Variants in FAT1 observed in about 807,000 individuals in gnomAD.
FAT1 encodes FAT atypical cadherin 1.
In FAT1, 171 loss-of-function variants were observed where a neutral mutation model predicts 329.8. The observed-to-expected ratio is 0.52, with a 90% CI of 0.46 to 0.59. FAT1 has a LOEUF of 0.59. FAT1 is among the 20% of genes least tolerant of loss of function. FAT1 has a pLI of 0.00. For synonymous variants in FAT1, 2,233 were observed against 2,228.6 expected (o/e 1.00, Z -0.06); for missense variants, 5,672 against 5,774.4 (o/e 0.98, Z 0.57).
rs148115768 is a variant in FAT1, at chr4:186,632,525, G to A, written c.4323+1159C>T. On this transcript the variant is annotated intron_variant, in intron 7 of 26. Coordinates refer to ENST00000441802, the MANE Select transcript of FAT1 (RefSeq NM_005245.4). ...TAGATTTTGCTTGTCTCTAGAATGAGAACAGCTACCAACTAAATTGAAATT... is the reference window on the plus strand; with the variant it reads ...TAGATTTTGCTTGTCTCTAGAATGAAAACAGCTACCAACTAAATTGAAATT... Among the ~76,000 whole-genome samples, 923 of 152,206 alleles carry A rather than the reference G, an allele frequency of 6.1e-3. 9 individuals are homozygous for A. The highest frequency in any genetic ancestry group is 0.02 in the African/African-American group (850 of 41,522).
intron 14 of FAT1, 24 bp from the exon 15 acceptor site, chr4:186,610,039 C>G (rs2126461098): frequency 6.8e-7 from 1 of 1,474,078 alleles, no homozygotes; most frequent in Non-Finnish European, 9.5e-7. Flanking sequence ...AAAATTACTT[C>G]CAGCATTCTG....
At chr4:186,720,561 C>T (rs1745425955) in intron 1 of FAT1, among the ~76,000 whole-genome samples, 3 of 152,188 alleles carry the variant, frequency 2.0e-5, no homozygotes, top group Admixed American at 2.0e-4. Context: ...CTCACATTAT[C>T]CTAAATCCAC....
At chr4:186,645,175 G>A (rs1204704939) in intron 3 of FAT1, among the ~76,000 whole-genome samples, 1 of 151,660 alleles carries the variant, frequency 6.6e-6, no homozygotes, top group Admixed American at 6.6e-5. Context: ...GGCCACCGAG[G>A]ACCAGCTGGC....
Position 186,619,762 on chromosome 4 carries a change from T to C in FAT1, c.6824A>G (p.Asp2275Gly), listed in dbSNP as rs2126508883. 1 of 1,614,016 alleles carries C rather than the reference T, an allele frequency of 6.2e-7. No individual in the cohort carries two copies. The highest frequency in any genetic ancestry group is 1.1e-5 in the South Asian group (1 of 91,082). The part of the protein sequence containing the change: ...AEVFVDIIVD[D>G]INDNPPVFAQ... ...AAACACAGGAGGGTTATCATTGATG[T>C]CGTCTACTATGATGTCCACAAATAC... Residue 2275 changes from aspartate (D) to glycine (G), a missense_variant, in exon 10 of 27, where the codon GAC becomes GGC. Around this residue, in one of 2 missense-constraint regions of FAT1, gnomAD observed 3,966 missense variants for 3,915.2 expected, o/e 1.01. Transcript: ENST00000441802.
intron 2 of FAT1, among the ~76,000 whole-genome samples, chr4:186,681,409 T>G (rs1743199540): frequency 6.6e-6 from 1 of 152,164 alleles, no homozygotes; most frequent in African/African-American, 2.4e-5. Context: ...GTATGACACC[T>G]TAATCCCTAA....
In FAT1 at chr4:186,639,705, A is replaced by T. The variant is rs1439788100; in HGVS notation, c.3642+17T>A. ...AACTACGAATCTTTAAGTATTAAAG[A>T]TAAAAAAAAAACTTACCTCTAATAT... On this transcript the variant is annotated intron_variant, in intron 4 of 26. Coordinates refer to ENST00000441802, the MANE Select transcript of FAT1 (RefSeq NM_005245.4). The T allele has an allele frequency of 2.6e-6, 4 of 1,555,842 alleles. No individual in the cohort carries two copies. The highest frequency in any genetic ancestry group is 3.5e-6 in the Non-Finnish European group (4 of 1,135,952).
rs1300566381 is a variant in FAT1 at position 186,597,174 on chromosome 4, G to C, written c.12369-3C>G. 1 of 1,595,464 alleles carries C rather than the reference G, an allele frequency of 6.3e-7. No individual in the cohort carries two copies. The highest frequency in any genetic ancestry group is 8.5e-7 in the Non-Finnish European group (1 of 1,170,572). ...ACTCGTCGATATCACTCTGACACCT[G>C]CCAAGGAAGTCAGGAATGAGGAGAG... On this transcript the variant is annotated splice_polypyrimidine_tract_variant and splice_region_variant and intron_variant, in intron 24 of 26. Transcript: ENST00000441802.
chr4:186,611,646 G>T lies in FAT1; in HGVS notation c.9593C>A (p.Ser3198Tyr). The change falls in exon 14 of 27, where the codon TCT becomes TAT. Residue 3198 changes from serine to tyrosine, a missense_variant. Coordinates refer to ENST00000441802, the MANE Select transcript of FAT1 (RefSeq NM_005245.4). ...CAAGCCTTGATCCACAGCTTTCAAAGAGAGGGTGTATACTGCCTGGAGTTC... is the reference window on the plus strand; with the variant it reads ...CAAGCCTTGATCCACAGCTTTCAAATAGAGGGTGTATACTGCCTGGAGTTC... ...DRELQAVYTLSLKAVDQGLPR... is the reference protein window; with the variant it reads ...DRELQAVYTLYLKAVDQGLPR... The T allele has an allele frequency of 6.2e-7, 1 of 1,613,294 alleles. No homozygotes were observed.
At position 186,621,780 on chromosome 4, in the gene FAT1, A is replaced by G. The variant is rs2126528503; in HGVS notation, c.4811-5T>C. 6.5e-7 allele frequency: 1 copy of G among 1,529,498 alleles called. No individual in the cohort carries two copies. Among genetic ancestry groups the G allele is most frequent in the African/African-American group, 1.4e-5 (1 of 72,560 alleles). The allele number at this position is 1,529,498 out of a possible 1,614,324, so 94.7% of individuals were successfully genotyped here. A position where few individuals can be genotyped will look rare whatever the true frequency, so the allele number is the denominator to read the frequency against. On this transcript the variant is annotated splice_region_variant and splice_polypyrimidine_tract_variant and intron_variant, in intron 9 of 26. Transcript: ENST00000441802. Reference sequence around the variant, plus strand: ...TAAAAGAATTTCCAATATTTCCTGGAAGGAGAGGAAAAAATACATGTTACA... The same window carrying G: ...TAAAAGAATTTCCAATATTTCCTGGGAGGAGAGGAAAAAATACATGTTACA...
At chr4:186,657,637 G>GT (rs1741967050) in intron 3 of FAT1, among the ~76,000 whole-genome samples, 2 of 152,124 alleles carry the variant, frequency 1.3e-5, no homozygotes, top group African/African-American at 4.8e-5. Context: ...GCAATTTGCT[G>GT]TAAGTGAATT....
chr4:186,619,106 G>C lies in FAT1; in HGVS notation c.7480C>G (p.Gln2494Glu), dbSNP rs1428112134. The change falls in exon 10 of 27, where the codon CAG (glutamine) becomes GAG (glutamate). Residue 2494 changes from glutamine (Q) to glutamate (E), a missense_variant. Around this residue, in one of 2 missense-constraint regions of FAT1, gnomAD observed 3,966 missense variants for 3,915.2 expected, o/e 1.01. Transcript: ENST00000441802. ...GGNLHSPAFL[Q>E]NEYEVELAEN... Reference sequence around the variant, plus strand: ...GCTAGTTCCACTTCATATTCGTTCTGAAGGAAAGCAGGACTGTGCAAATTG... The same window carrying C: ...GCTAGTTCCACTTCATATTCGTTCTCAAGGAAAGCAGGACTGTGCAAATTG... 3.1e-6 allele frequency: 5 copies of C among 1,613,874 alleles called. No homozygotes were observed. The highest frequency in any genetic ancestry group is 4.2e-6 in the Non-Finnish European group (5 of 1,179,904).
chr4:186,704,190 TAC>T (rs1187933080), intron 2 of FAT1, among the ~76,000 whole-genome samples: 2 of 152,192 alleles, frequency 1.3e-5, no homozygotes, highest in Non-Finnish European at 1.5e-5. Flanking sequence ...TCTCAATATT[TAC>T]ACACAGTTTC....
rs1739834910 is a variant in FAT1 at position 186,618,419 on chromosome 4, C to G, written c.8167G>C (p.Asp2723His). The G allele has an allele frequency of 2.5e-6, 4 of 1,613,918 alleles. No homozygotes were observed. The highest frequency in any genetic ancestry group is 3.4e-6 in the Non-Finnish European group (4 of 1,179,900). Reference protein sequence around the residue: ...SEDVPIGTEIDLIRAEHSGTV... With the variant: ...SEDVPIGTEIHLIRAEHSGTV... ...CCACTATGTTCTGCTCGGATGAGAT[C>G]TATCTCTGTTCCAATAGGCACGTCC... The change falls in exon 10 of 27, where the codon GAT (aspartate) becomes CAT (histidine). Residue 2723 changes from aspartate (D) to histidine (H), a missense_variant. Physicochemically the swap from Asp to His is moderately conservative, Grantham distance 81. Coordinates refer to ENST00000441802, the MANE Select transcript of FAT1 (RefSeq NM_005245.4).
At chr4:186,601,639 T>C (rs1313527004) in intron 20 of FAT1, 2 of 417,612 alleles carry the variant, frequency 4.8e-6, no homozygotes, top group Admixed American at 7.6e-5. Flanking sequence ...GACGACTGCA[T>C]CACAGAGAAA....
intron 1 of FAT1, among the ~76,000 whole-genome samples, chr4:186,719,442 C>T (rs1450810703): frequency 6.6e-6 from 1 of 152,098 alleles, no homozygotes; most frequent in Admixed American, 6.5e-5. Context: ...GTATAAAATC[C>T]CAAACCTCCC....
At chr4:186,647,675 CT>C (rs1242485439) in intron 3 of FAT1, among the ~76,000 whole-genome samples, 1 of 152,154 alleles carries the variant, frequency 6.6e-6, no homozygotes, top group Non-Finnish European at 1.5e-5. Flanking sequence ...CAGGCACGCA[CT>C]TCAGATACAT....
chr4:186,589,401 G>T (rs1738133575), intron 26 of FAT1, among the ~76,000 whole-genome samples, 181 bp from the exon 27 acceptor site: 1 of 152,128 alleles, frequency 6.6e-6, no homozygotes, highest in Admixed American at 6.5e-5. Context: ...CCAGTTTAAA[G>T]ACCCCTATGA....
At position 186,596,619 on chromosome 4, in the gene FAT1, G is replaced by A. The variant is rs1379722253; in HGVS notation, c.12921C>T (p.Asn4307=). The change falls in exon 25 of 27, where the codon AAC becomes AAT. Residue 4307 remains asparagine (N), a synonymous_variant. Transcript: ENST00000441802. This position sits in a 1 kb window ranked among gnomAD's most constrained non-coding sequence, Gnocchi z 4.7. ...AGTTTGAAGGGGGTGGGGGAGGCAGGTTTGGCGCCACGCTGCAGACCGCCA... is the reference window on the plus strand; with the variant it reads ...AGTTTGAAGGGGGTGGGGGAGGCAGATTTGGCGCCACGCTGCAGACCGCCA... ...KAVAVCSVAP[N]LPPPPPSNSP... is the part of the protein sequence containing the mutation. 6.2e-7 allele frequency: 1 copy of A among 1,611,598 alleles called. No homozygotes were observed. The highest frequency in any genetic ancestry group is 2.2e-5 in the East Asian group (1 of 44,850).
chr4:186,676,698 T>C (rs770343843), intron 2 of FAT1, among the ~76,000 whole-genome samples: 4 of 152,190 alleles, frequency 2.6e-5, no homozygotes, highest in African/African-American at 4.8e-5. Flanking sequence ...ATTCCTCCTG[T>C]TACAGTCAAG....
Sources: gnomAD v4.1 joint callset for allele counts (sites outside exome capture counted in the v4.1 genomes callset) on GRCh38, gnomAD v4.1.1 for gene constraint, gnomAD v4.1.1 regional missense constraint, Gnocchi (gnomAD v3.1) non-coding constraint, MANE v1.5 for transcripts, NCBI Gene and HGNC (gene_info 2026-07-23, HGNC 2026-07-21) for gene names.